FREM1: variants seen among roughly 807,000 people sequenced by gnomAD.
The protein encoded by FREM1 is FRAS1 related extracellular matrix 1.
In FREM1, 220 loss-of-function variants were observed where a neutral mutation model predicts 210.1. The observed-to-expected ratio is 1.05, with a 90% CI of 0.94 to 1.17. FREM1 has a LOEUF of 1.17. FREM1 is among the 50% of genes most tolerant of loss of function. The pLI, the probability that FREM1 is intolerant of heterozygous loss-of-function variation, is 0.00. For synonymous variants in FREM1, 1,189 were observed against 980.2 expected (o/e 1.21, Z -3.98); for missense variants, 3,454 against 2,675.5 (o/e 1.29, Z -6.42).
At chr9:14,823,089 T>A in intron 13 of FREM1, 71 bp downstream of exon 13, 1 of 1,178,312 alleles carries the variant, frequency 8.5e-7, no homozygotes, top group Non-Finnish European at 1.2e-6. Flanking sequence ...AAAGTTACCA[T>A]TTCTAGTAGG....
chr9:14,759,941 G>C (rs1337673762), intron 27 of FREM1, 40 bp from the exon 28 acceptor site: 2 of 1,545,504 alleles, frequency 1.3e-6, no homozygotes, highest in South Asian at 1.2e-5. Context: ...AGAATGCATA[G>C]TATATGCCTA....
intron 24 of FREM1, among the ~76,000 whole-genome samples, chr9:14,776,410 T>C (rs574679437): frequency 6.6e-6 from 1 of 152,320 alleles, no homozygotes; most frequent in East Asian, 1.9e-4. Flanking sequence ...CACCCAAGAA[T>C]ATTTTCCCAA....
At chr9:14,901,762 A>G (rs1291442381) in intron 1 of FREM1, among the ~76,000 whole-genome samples, 1 of 152,214 alleles carries the variant, frequency 6.6e-6, no homozygotes, top group Non-Finnish European at 1.5e-5. Flanking sequence ...CTACAATATA[A>G]TTAAATTTGT....
intron 13 of FREM1, among the ~76,000 whole-genome samples, chr9:14,821,111 G>A (rs1821218042): frequency 6.6e-6 from 1 of 152,224 alleles, no homozygotes; most frequent in South Asian, 2.1e-4. Flanking sequence ...TGGGACTCAG[G>A]TTAGCATGGT....
intron 21 of FREM1, among the ~76,000 whole-genome samples, chr9:14,796,320 A>C (rs1225808166): frequency 1.3e-5 from 2 of 152,160 alleles, no homozygotes; most frequent in Non-Finnish European, 2.9e-5. Context: ...AAAGAGGTGA[A>C]GTCATCAAGG....
chr9:14,882,838 G>C (rs574792676), intron 1 of FREM1, among the ~76,000 whole-genome samples: 10 of 135,230 alleles, frequency 7.4e-5, no homozygotes, highest in Non-Finnish European at 1.5e-4. Flanking sequence ...GCCTGAACCT[G>C]GGAGGCAGAG....
intron 6 of FREM1, 102 bp from the exon 7 acceptor site, chr9:14,848,875 C>A (rs12339383): frequency 7.1e-4 from 406 of 575,278 alleles, no homozygotes; most frequent in Non-Finnish European, 1.1e-3. Context: ...CAGTTTTCTG[C>A]GGGGATTCAC....
chr9:14,767,656 T>C (rs954462388), intron 27 of FREM1, among the ~76,000 whole-genome samples: 2 of 152,188 alleles, frequency 1.3e-5, no homozygotes, highest in African/African-American at 4.8e-5. Flanking sequence ...TGAACCACTA[T>C]TCATAACCTT....
chr9:14,893,944 C>T (rs967312248), intron 1 of FREM1, among the ~76,000 whole-genome samples: 1 of 152,140 alleles, frequency 6.6e-6, no homozygotes, highest in African/African-American at 2.4e-5. Context: ...AAAAGCACAA[C>T]AGGTTTTTCT....
chr9:14,841,679 T>C, intron 9 of FREM1, 90 bp from the exon 10 acceptor site: 1 of 1,015,412 alleles, frequency 9.8e-7, no homozygotes, highest in South Asian at 2.4e-5. Context: ...AAAAGTCTTA[T>C]CTGTCTAGTA....
rs773408774 is a variant in FREM1, at chr9:14,824,942, A to C, written c.1932T>G (p.Ala644=). The C allele has an allele frequency of 6.2e-7, 1 of 1,607,574 alleles. No homozygotes were observed. The highest frequency in any genetic ancestry group is 8.5e-7 in the Non-Finnish European group (1 of 1,178,460). ...CAACCAAATGCCGAGAAACTCCAGG[A>C]GCCTCTTTTGGAAGCTGGTCATCCA... The part of the protein sequence containing the change: ...TPVDDQLPKE[A]PGVSRHLVVK... Residue 644 remains alanine, a synonymous_variant, in exon 11 of 37, where the codon GCT becomes GCG. Coordinates refer to ENST00000380880, the MANE Select transcript of FREM1 (RefSeq NM_001379081.2).
intron 16 of FREM1, among the ~76,000 whole-genome samples, chr9:14,812,505 A>G (rs1819583354): frequency 6.6e-6 from 1 of 152,162 alleles, no homozygotes; most frequent in South Asian, 2.1e-4. Flanking sequence ...CCCACCAACT[A>G]CGATGATCAA....
In FREM1 at chr9:14,776,033, G is replaced by T; in HGVS notation, c.4613C>A (p.Pro1538His). Residue 1538 changes from proline (P) to histidine (H), a missense_variant, in exon 25 of 37, where the codon CCT becomes CAT. Coordinates refer to ENST00000380880, the MANE Select transcript of FREM1 (RefSeq NM_001379081.2). ...DLLQLTDPDT[P>H]AENLTFLLVQ... ...CAAGAGGAAGGTGAGGTTCTCCGCA[G>T]GTGTATCAGGGTCGGTCAGCTGAAG... 1 of 1,614,028 alleles carries T rather than the reference G, an allele frequency of 6.2e-7. No homozygotes were observed.
rs1414565156 is a variant in FREM1, at chr9:14,769,821, T to C, written c.5107A>G (p.Thr1703Ala). The C allele has an allele frequency of 6.2e-7, 1 of 1,603,822 alleles. No homozygotes were observed. Among genetic ancestry groups the C allele is most frequent in the Non-Finnish European group, 8.5e-7 (1 of 1,173,646 alleles). ...GATGGGTTTATGATGTAAAGAATAG[T>C]CTTACTGTTTAAGTCCTTTTGGCTA... The part of the protein sequence containing the change: ...KFSQKDLNSK[T>A]ILYIINPSLE... The change falls in exon 27 of 37, where the codon ACT becomes GCT. Residue 1703 changes from threonine to alanine, a missense_variant. Thr to Ala is a moderately conservative substitution (Grantham distance 58). Coordinates refer to ENST00000380880, the MANE Select transcript of FREM1 (RefSeq NM_001379081.2).
intron 1 of FREM1, among the ~76,000 whole-genome samples, chr9:14,895,337 A>G (rs1422241938): frequency 6.6e-6 from 1 of 152,214 alleles, no homozygotes; most frequent in Admixed American, 6.5e-5. Context: ...TTATGTTTCA[A>G]AAACTATGGT....
At chr9:14,783,300 T>C (rs1161033331) in intron 24 of FREM1, among the ~76,000 whole-genome samples, 1 of 152,184 alleles carries the variant, frequency 6.6e-6, no homozygotes, top group Non-Finnish European at 1.5e-5. Context: ...TAGAGGACAG[T>C]GATATTCGAA....
chr9:14,791,318 A>C (rs13294910), intron 22 of FREM1, among the ~76,000 whole-genome samples: 40,089 of 152,176 alleles, frequency 0.26, 6,274 homozygotes, highest in Middle Eastern at 0.45. Context: ...TTAGCAGTAA[A>C]ACCCAGGTGA....
chr9:14,825,548 T>TGTGTGTGTATATATATATAC (rs1554685284), intron 10 of FREM1, among the ~76,000 whole-genome samples: 17 of 43,254 alleles, frequency 3.9e-4, no homozygotes, highest in Non-Finnish European at 5.3e-4. Context: ...TGTGTGTGTG[T>TGTGTGTGTATATATATATAC]ATATATATAT....
At chr9:14,788,783 T>C (rs749070038) in intron 23 of FREM1, 136 bp downstream of exon 23, 95 of 731,476 alleles carry the variant, frequency 1.3e-4, no homozygotes, top group Non-Finnish European at 2.1e-4. Context: ...TAAACACAAA[T>C]GATAGAATTT....
Sources: allele counts gnomAD v4.1 joint callset (sites outside exome capture counted in the v4.1 genomes callset), GRCh38; gene constraint gnomAD v4.1.1; transcripts MANE v1.5; gene names NCBI Gene and HGNC (gene_info 2026-07-23, HGNC 2026-07-21).